The following ARHGAP15 variants were observed in gnomAD, a reference collection of about 807,000 sequenced individuals.
ARHGAP15 encodes Rho GTPase activating protein 15, also known as rho GTPase-activating protein 15.
A neutral mutation model predicts 63.7 loss-of-function variants in ARHGAP15; 51 were observed. That is an observed-to-expected ratio of 0.80 (90% CI 0.64 to 1.01). The LOEUF is 1.01. Among genes scored for constraint, ARHGAP15 ranks in the 50% least tolerant of loss-of-function variants. The pLI, the probability that ARHGAP15 is intolerant of heterozygous loss-of-function variation, is 0.00. For synonymous variants in ARHGAP15, 191 were observed against 193.8 expected (o/e 0.99, Z 0.12); for missense variants, 560 against 564.6 (o/e 0.99, Z 0.08).
chr2:143,146,977 A>C (rs1021569010), intron 1 of ARHGAP15, among the ~76,000 whole-genome samples: 3 of 152,046 alleles, frequency 2.0e-5, no homozygotes, highest in African/African-American at 7.2e-5. Context: ...ACTTCCACAT[A>C]TTTGAACCCT....
intron 11 of ARHGAP15, among the ~76,000 whole-genome samples, chr2:143,595,431 A>G (rs1441866491): frequency 6.6e-6 from 1 of 152,122 alleles, no homozygotes; most frequent in Non-Finnish European, 1.5e-5. Flanking sequence ...AATAGTTTGC[A>G]GATAGTGTCC....
chr2:143,320,718 C>T (rs1683979632), intron 6 of ARHGAP15, among the ~76,000 whole-genome samples: 1 of 152,030 alleles, frequency 6.6e-6, no homozygotes. Context: ...AGGGTAACTG[C>T]ATGTTCTTTG....
chr2:143,356,591 A>G (rs1347514559), intron 6 of ARHGAP15, among the ~76,000 whole-genome samples: 2 of 152,106 alleles, frequency 1.3e-5, no homozygotes, highest in Non-Finnish European at 2.9e-5. Flanking sequence ...ATTTTCTTTG[A>G]TAAGTTTATT....
intron 5 of ARHGAP15, 143 bp from the exon 6 acceptor site, chr2:143,250,368 A>G (rs1390243883): frequency 8.0e-6 from 4 of 497,002 alleles, no homozygotes; most frequent in African/African-American, 4.0e-5. Context: ...GAAAATTCCT[A>G]CAAATTAGGT....
At chr2:143,643,068 T>G (rs1478496777) in intron 12 of ARHGAP15, among the ~76,000 whole-genome samples, 1 of 152,126 alleles carries the variant, frequency 6.6e-6, no homozygotes, top group Non-Finnish European at 1.5e-5. Flanking sequence ...TGCGGAGAAT[T>G]CAATACTGCA....
intron 1 of ARHGAP15, among the ~76,000 whole-genome samples, chr2:143,130,858 C>T (rs1688889510): frequency 6.6e-6 from 1 of 152,092 alleles, no homozygotes; most frequent in African/African-American, 2.4e-5. Flanking sequence ...AATCTGTCTT[C>T]AATATCGTGG....
chr2:143,709,348 TTAA>T (rs942575038), intron 13 of ARHGAP15, among the ~76,000 whole-genome samples: 8 of 152,242 alleles, frequency 5.3e-5, no homozygotes, highest in Non-Finnish European at 1.0e-4. Flanking sequence ...TGGGCAACTT[TTAA>T]TAATGACTTA....
chr2:143,490,574 G>A (rs1489383024), intron 9 of ARHGAP15, among the ~76,000 whole-genome samples: 1 of 152,054 alleles, frequency 6.6e-6, no homozygotes, highest in Admixed American at 6.6e-5. Flanking sequence ...ACCTAGACTT[G>A]GAAACAGTCC....
intron 8 of ARHGAP15, among the ~76,000 whole-genome samples, chr2:143,438,313 C>T (rs551487287): frequency 1.8e-4 from 27 of 152,100 alleles, no homozygotes; most frequent in East Asian, 5.8e-4. Context: ...ATTATTTGTA[C>T]GTGTACATAT....
chr2:143,649,587 T>A (rs962983622), intron 12 of ARHGAP15, among the ~76,000 whole-genome samples: 7 of 151,856 alleles, frequency 4.6e-5, no homozygotes, highest in Admixed American at 2.6e-4. Flanking sequence ...GTTCATCATC[T>A]GTTATTGCTT....
At chr2:143,561,384 G>A (rs545384630) in intron 11 of ARHGAP15, among the ~76,000 whole-genome samples, 2 of 152,282 alleles carry the variant, frequency 1.3e-5, no homozygotes, top group South Asian at 2.1e-4. Flanking sequence ...AAGCATTGCC[G>A]GAAGAACTGA....
At chr2:143,397,327 T>C (rs1024180226) in intron 6 of ARHGAP15, among the ~76,000 whole-genome samples, 24 of 148,126 alleles carry the variant, frequency 1.6e-4, no homozygotes, top group Non-Finnish European at 3.3e-4. Flanking sequence ...TGTGTGTGTG[T>C]GTGTGTGTGT....
chr2:143,578,843 A>G (rs915913743), intron 11 of ARHGAP15, among the ~76,000 whole-genome samples: 5 of 152,176 alleles, frequency 3.3e-5, no homozygotes, highest in Non-Finnish European at 5.9e-5. Flanking sequence ...TATTTTGTTA[A>G]TAGATGAGCT....
At chr2:143,413,367 A>T (rs995944726) in intron 6 of ARHGAP15, among the ~76,000 whole-genome samples, 3 of 152,300 alleles carry the variant, frequency 2.0e-5, no homozygotes, top group African/African-American at 7.2e-5. Flanking sequence ...CAGGATCCCA[A>T]CTGAATGCCT....
chr2:143,768,319 A>G lies in ARHGAP15; in HGVS notation c.*147A>G. 2 of 762,488 alleles carry G rather than the reference A, an allele frequency of 2.6e-6. No individual in the cohort carries two copies. The highest frequency in any genetic ancestry group is 2.1e-6 in the Non-Finnish European group (1 of 479,542). The allele number at this position is 762,488 out of a possible 1,614,324, so 47.2% of individuals were successfully genotyped here. ...AAACTTAATGATGATTTTGTGTTTA[A>G]GTTCCAAACATTTGAATAAAATAAT... On this transcript the variant is annotated 3_prime_UTR_variant, in exon 14 of 14. Coordinates refer to ENST00000295095, the MANE Select transcript of ARHGAP15 (RefSeq NM_018460.4).
chr2:143,510,299 A>G (rs763487449), intron 9 of ARHGAP15, among the ~76,000 whole-genome samples: 4 of 152,072 alleles, frequency 2.6e-5, no homozygotes, highest in Non-Finnish European at 5.9e-5. Flanking sequence ...AATGCTACCT[A>G]CTATGGAAAC....
At chr2:143,249,978 AG>A (rs1214118171) in intron 5 of ARHGAP15, among the ~76,000 whole-genome samples, 1 of 152,118 alleles carries the variant, frequency 6.6e-6, no homozygotes, top group Non-Finnish European at 1.5e-5. Flanking sequence ...CAAACCTGAA[AG>A]GGGAATTGGA....
chr2:143,153,194 G>A (rs969618201), intron 1 of ARHGAP15, among the ~76,000 whole-genome samples: 1 of 151,938 alleles, frequency 6.6e-6, no homozygotes, highest in South Asian at 2.1e-4. Context: ...GTGGCTAGAT[G>A]CTCTTGGCCA....
chr2:143,707,200 G>T (rs1277543110), intron 13 of ARHGAP15, among the ~76,000 whole-genome samples: 1 of 152,186 alleles, frequency 6.6e-6, no homozygotes, highest in Admixed American at 6.5e-5. Context: ...GGTCCCAGGG[G>T]AGTTGCAATT....
Sources: gnomAD v4.1 joint callset for allele counts (sites outside exome capture counted in the v4.1 genomes callset) on GRCh38, gnomAD v4.1.1 for gene constraint, MANE v1.5 for transcripts, NCBI Gene and HGNC (gene_info 2026-07-23, HGNC 2026-07-21) for gene names.